Variants in GFRA1 observed in about 807,000 individuals in gnomAD.
The protein encoded by GFRA1 is GDNF family receptor alpha 1, also known as GDNF family receptor alpha-1.
GFRA1 carries 16 observed loss-of-function variants against 51.6 expected under a neutral mutation model. The observed-to-expected ratio is 0.31, with a 90% CI of 0.21 to 0.47. The LOEUF (loss-of-function observed/expected upper bound fraction) is 0.47, where lower values mean the gene tolerates loss of function less well. GFRA1 is among the 20% of genes least tolerant of loss of function. The pLI, the probability that GFRA1 is intolerant of heterozygous loss-of-function variation, is 1.00. For missense variants in GFRA1, 530 were observed against 594.3 expected, an observed-to-expected ratio of 0.89 and a Z score of 1.13; for synonymous variants, 270 against 241.3, an observed-to-expected ratio of 1.12 and a Z score of -1.10.
chr10:116,197,442 G>A (rs1385363856), intron 5 of GFRA1, among the ~76,000 whole-genome samples: 1 of 152,064 alleles, frequency 6.6e-6, no homozygotes, highest in Non-Finnish European at 1.5e-5. Flanking sequence ...CCAATTTATG[G>A]TATTTTATCG....
chr10:116,203,628 G>A (rs1281899917), intron 5 of GFRA1, among the ~76,000 whole-genome samples: 4 of 152,124 alleles, frequency 2.6e-5, no homozygotes, highest in Non-Finnish European at 5.9e-5. Context: ...TCATGAACAC[G>A]ACCACCCTCC....
rs967482101 is a variant in GFRA1, at chr10:116,061,965, C to G, written c.*2433G>C. 7 of 398,484 alleles carry G rather than the reference C, an allele frequency of 1.8e-5. No individual in the cohort carries two copies. The highest frequency in any genetic ancestry group is 1.4e-4 in the African/African-American group (7 of 48,640). The allele number at this position is 398,484 out of a possible 1,614,324, so 24.7% of individuals were successfully genotyped here. A position where few individuals can be genotyped will look rare whatever the true frequency, so the allele number is the denominator to read the frequency against. ...TTCCCCCTATTTATTTAATCAGCAA[C>G]TGATTTTCAAATTGAGGAGCTGGTA... On this transcript the variant is annotated 3_prime_UTR_variant, in exon 11 of 11. Coordinates refer to ENST00000355422, the MANE Select transcript of GFRA1 (RefSeq NM_005264.8).
At chr10:116,205,500 G>A (rs1169712657) in intron 5 of GFRA1, among the ~76,000 whole-genome samples, 1 of 151,474 alleles carries the variant, frequency 6.6e-6, no homozygotes, top group African/African-American at 2.4e-5. Context: ...ACTTCAACCT[G>A]GGAGGCAGAG....
At chr10:116,138,043 T>C (rs1029138382) in intron 5 of GFRA1, among the ~76,000 whole-genome samples, 3 of 152,272 alleles carry the variant, frequency 2.0e-5, no homozygotes, top group African/African-American at 7.2e-5. Context: ...TCTCGTGATC[T>C]ATCCGCCTCA....
At chr10:116,212,385 T>C (rs1384278427) in intron 4 of GFRA1, among the ~76,000 whole-genome samples, 1 of 151,980 alleles carries the variant, frequency 6.6e-6, no homozygotes, top group Non-Finnish European at 1.5e-5. Context: ...CCAGACGCAG[T>C]GGTGGGTGCC....
chr10:116,125,158 C>T lies in GFRA1; in HGVS notation c.770+63G>A, dbSNP rs1253906703. ...AGCACAGAAAAGGGAGCTTGGCAGC[C>T]GAAGCAGCCGCCAAGACTTTCCCTG... On this transcript the variant is annotated intron_variant, in intron 6 of 10. Coordinates refer to ENST00000355422, the MANE Select transcript of GFRA1 (RefSeq NM_005264.8). 22 of 1,404,552 alleles carry T rather than the reference C, an allele frequency of 1.6e-5. No homozygotes were observed. The East Asian group carries it at 1.8e-4, about 12-fold the overall frequency. The allele number at this position is 1,404,552 out of a possible 1,614,324, so 87.0% of individuals were successfully genotyped here. A position where few individuals can be genotyped will look rare whatever the true frequency, so the allele number is the denominator to read the frequency against.
At chr10:116,224,222 G>C (rs994632238) in intron 4 of GFRA1, among the ~76,000 whole-genome samples, 12 of 152,210 alleles carry the variant, frequency 7.9e-5, no homozygotes, top group Non-Finnish European at 1.5e-4. Flanking sequence ...AGAGAAACTG[G>C]AAGCACATAC....
intron 6 of GFRA1, among the ~76,000 whole-genome samples, 197 bp downstream of exon 6, chr10:116,125,024 C>T (rs555916282): frequency 3.3e-5 from 5 of 152,180 alleles, no homozygotes; most frequent in Non-Finnish European, 7.3e-5. Context: ...CTTTCCCCAG[C>T]AGGGAGGCCT....
At position 116,064,390 on chromosome 10, in the gene GFRA1, T is replaced by A. The variant is rs754612066; in HGVS notation, c.*8A>T. Reference sequence around the variant, plus strand: ...TTTACATGTCCATATTGTATTTTTTTAATGCAGCTATGATGTTTCTGTTAA... The same window carrying A: ...TTTACATGTCCATATTGTATTTTTTAAATGCAGCTATGATGTTTCTGTTAA... On this transcript the variant is annotated 3_prime_UTR_variant, in exon 11 of 11. Transcript: ENST00000355422. 15 of 1,611,232 alleles carry A rather than the reference T, an allele frequency of 9.3e-6. No individual in the cohort carries two copies. Among genetic ancestry groups the A allele is most frequent in the East Asian group, 2.2e-5 (1 of 44,862 alleles).
intron 6 of GFRA1, among the ~76,000 whole-genome samples, chr10:116,114,217 A>G (rs1589799564): frequency 6.6e-6 from 1 of 152,340 alleles, no homozygotes; most frequent in East Asian, 1.9e-4. Context: ...CACGTGGCCA[A>G]GAGGCTGCCA....
chr10:116,191,331 T>C (rs1963245202), intron 5 of GFRA1, among the ~76,000 whole-genome samples: 2 of 152,238 alleles, frequency 1.3e-5, no homozygotes, highest in Non-Finnish European at 2.9e-5. Flanking sequence ...TCTTTCACAT[T>C]GATAGGCCGT....
rs931056791 is a variant in GFRA1, at chr10:116,272,743, A to G, written c.-247+420T>C. On this transcript the variant is annotated intron_variant, in intron 1 of 10. Transcript: ENST00000355422. This position sits in a 1 kb window ranked among gnomAD's most constrained non-coding sequence, Gnocchi z 4.4. Reference sequence around the variant, plus strand: ...CCGGCCCTCCCCACTCCGATCGCCAATCCCTAGCCCCAGTCGCCGCCCTCC... The same window carrying G: ...CCGGCCCTCCCCACTCCGATCGCCAGTCCCTAGCCCCAGTCGCCGCCCTCC... 6.6e-6 allele frequency: 1 copy of G among 152,146 alleles called. No homozygotes were observed. The highest frequency in any genetic ancestry group is 1.5e-5 in the Non-Finnish European group (1 of 68,204). The allele number at this position is 152,146 out of a possible 1,614,324, so 9.4% of individuals were successfully genotyped here. A position where few individuals can be genotyped will look rare whatever the true frequency, so the allele number is the denominator to read the frequency against.
chr10:116,196,493 A>AAT (rs952586820), intron 5 of GFRA1, among the ~76,000 whole-genome samples: 16 of 140,392 alleles, frequency 1.1e-4, no homozygotes, highest in Middle Eastern at 3.6e-3. Flanking sequence ...TGTCTCAAAA[A>AAT]ATATATATAT....
At chr10:116,094,956 G>T (rs1956511914) in intron 7 of GFRA1, among the ~76,000 whole-genome samples, 1 of 152,184 alleles carries the variant, frequency 6.6e-6, no homozygotes, top group East Asian at 1.9e-4. Context: ...AATAAGCCTT[G>T]TCCAGAAAGA....
At chr10:116,116,177 C>T (rs1292152768) in intron 6 of GFRA1, among the ~76,000 whole-genome samples, 1 of 152,202 alleles carries the variant, frequency 6.6e-6, no homozygotes, top group African/African-American at 2.4e-5. Context: ...TCACTGCAGC[C>T]TCCACCTCCC....
chr10:116,087,975 G>C (rs1423065986), intron 9 of GFRA1, among the ~76,000 whole-genome samples: 1 of 152,092 alleles, frequency 6.6e-6, no homozygotes, highest in Non-Finnish European at 1.5e-5. Context: ...AAATGCCCGG[G>C]AAATGCTTTA....
At chr10:116,113,639 C>A (rs554882630) in intron 6 of GFRA1, among the ~76,000 whole-genome samples, 1 of 152,130 alleles carries the variant, frequency 6.6e-6, no homozygotes, top group Non-Finnish European at 1.5e-5. Flanking sequence ...ATGGGCAGTG[C>A]GGCATTCGGC....
intron 5 of GFRA1, among the ~76,000 whole-genome samples, chr10:116,186,657 C>T (rs568970956): frequency 6.0e-5 from 9 of 150,690 alleles, no homozygotes; most frequent in East Asian, 5.9e-4. Context: ...ACATGGGGGG[C>T]GGCGGGAGGT....
At chr10:116,105,902 A>T (rs1956988328) in intron 6 of GFRA1, among the ~76,000 whole-genome samples, 1 of 152,154 alleles carries the variant, frequency 6.6e-6, no homozygotes, top group Admixed American at 6.5e-5. Context: ...AAAACCTGAG[A>T]CCATTACAGT....
Sources: allele counts gnomAD v4.1 joint callset (sites outside exome capture counted in the v4.1 genomes callset), GRCh38; gene constraint gnomAD v4.1.1; non-coding constraint Gnocchi (gnomAD v3.1); transcripts MANE v1.5; gene names NCBI Gene and HGNC (gene_info 2026-07-23, HGNC 2026-07-21).